Variants in FKRP observed in about 807,000 individuals in gnomAD.
FKRP encodes the protein ribitol 5-phosphate transferase FKRP.
FKRP carries 25 observed loss-of-function variants against 30.6 expected under a neutral mutation model. The ratio of observed to expected loss-of-function variants is 0.82; its 90% CI spans 0.60 to 1.14. FKRP has a LOEUF of 1.14. Ranked by LOEUF, FKRP falls within the 50% of genes most tolerant of loss-of-function variation. The pLI, the probability that FKRP is intolerant of heterozygous loss-of-function variation, is 0.00. For missense variants in FKRP, 771 were observed against 727.8 expected, an observed-to-expected ratio of 1.06 and a Z score of -0.68; for synonymous variants, 358 against 342.5, an observed-to-expected ratio of 1.05 and a Z score of -0.50.
upstream of FKRP, chr19:46,746,043 G>GGCGGGC: frequency 8.6e-7 from 1 of 1,161,902 alleles, no homozygotes; most frequent in Non-Finnish European, 1.1e-6. Context: ...CCCCCCGCCG[G>GGCGGGC]CCGTCCCGGC....
rs769377092 is a variant in FKRP at position 46,755,601 on chromosome 19, G to A, written c.151G>A (p.Val51Ile). 1.9e-5 allele frequency: 30 copies of A among 1,605,738 alleles called. No individual in the cohort carries two copies. Among genetic ancestry groups the A allele is most frequent in the Non-Finnish European group, 2.4e-5 (28 of 1,177,340 alleles). Residue 51 changes from valine to isoleucine, a missense_variant, in exon 4 of 4, where the codon GTC becomes ATC. Val to Ile is a conservative substitution (Grantham distance 29). Transcript: ENST00000318584. ...CTCTGCTGCCGGCCCCCGTGTCACC[G>A]TCCTGGTGCGGGAGTTCGAGGCATT... The part of the protein sequence containing the change: ...RASAAGPRVT[V>I]LVREFEAFDN...
chr19:46,751,700 G>C (rs1229602842), intron 3 of FKRP, among the ~76,000 whole-genome samples: 1 of 152,024 alleles, frequency 6.6e-6, no homozygotes, highest in Non-Finnish European at 1.5e-5. Flanking sequence ...CGAGTAGCTG[G>C]GACTACAGGC....
intron 1 of FKRP, 115 bp downstream of exon 1, chr19:46,746,205 A>T: frequency 6.5e-7 from 1 of 1,537,130 alleles, no homozygotes; most frequent in Non-Finnish European, 8.7e-7. Flanking sequence ...AAGCGCGCCC[A>T]CTCGTGCTGG....
At chr19:46,752,950 G>T (rs1365129129) in intron 3 of FKRP, among the ~76,000 whole-genome samples, 3 of 151,880 alleles carry the variant, frequency 2.0e-5, no homozygotes, top group African/African-American at 7.3e-5. Context: ...GGCAGATCAT[G>T]AGGTCAAGGG....
Position 46,756,253 on chromosome 19 carries a change from T to G in FKRP, c.803T>G (p.Leu268Arg), listed in dbSNP as rs886042921. 2 of 1,475,590 alleles carry G rather than the reference T, an allele frequency of 1.4e-6. No individual in the cohort carries two copies. Among genetic ancestry groups the G allele is most frequent in the Admixed American group, 4.6e-5 (2 of 43,876 alleles). The allele number at this position is 1,475,590 out of a possible 1,614,324, so 91.4% of individuals were successfully genotyped here. A position where few individuals can be genotyped will look rare whatever the true frequency, so the allele number is the denominator to read the frequency against. ...EREGRARRAA[L>R]LRALGIRLVS... ...GAGGGACGCGCTCGGCGGGCGGCGC[T>G]GCTCCGCGCGCTGGGCATCCGCCTA... Residue 268 changes from leucine to arginine, a missense_variant, in exon 4 of 4, where the codon CTG becomes CGG. Physicochemically the swap from Leu to Arg is moderately radical, Grantham distance 102. Coordinates refer to ENST00000318584, the MANE Select transcript of FKRP (RefSeq NM_024301.5). The surrounding 1 kb of genome is among the most constrained non-coding windows in gnomAD (Gnocchi z 6.6).
In FKRP at chr19:46,756,974, T is replaced by A. The variant is rs753476178; in HGVS notation, c.*36T>A. On this transcript the variant is annotated 3_prime_UTR_variant, in exon 4 of 4. Transcript: ENST00000318584. This position sits in a 1 kb window ranked among gnomAD's most constrained non-coding sequence, Gnocchi z 6.6. ...ACCTCGCCTTTGTTTTTCGGGGGTC[T>A]GTCTGGATGTGGAGAAGCTCTGTGT... is the stretch of plus-strand genomic sequence containing the variant. The A allele has an allele frequency of 1.1e-5, 18 of 1,610,058 alleles. No homozygotes were observed. Among genetic ancestry groups the A allele is most frequent in the Non-Finnish European group, 1.5e-5 (18 of 1,178,658 alleles).
chr19:46,757,076 TGA>T lies in FKRP; in HGVS notation c.*143_*144del, dbSNP rs2054944617. On this transcript the variant is annotated 3_prime_UTR_variant, in exon 4 of 4. Transcript: ENST00000318584. ...CAAGAAAGAAATTCTAAGGAGAGCA[TGA>T]GAGAAGGCTGGCATTGGCAGGAGGA... The T allele has an allele frequency of 8.4e-7, 1 of 1,190,286 alleles. No homozygotes were observed. Among genetic ancestry groups the T allele is most frequent in the Non-Finnish European group, 1.2e-6 (1 of 824,602 alleles). 73.7% of individuals were successfully genotyped at this position (1,190,286 alleles called of 1,614,324 possible). A position where few individuals can be genotyped will look rare whatever the true frequency, so the allele number is the denominator to read the frequency against.
rs1415917211 is a variant in FKRP at position 46,748,566 on chromosome 19, A to T, written c.-139A>T. On this transcript the variant is annotated 5_prime_UTR_variant, in exon 3 of 4. It adds an upstream start codon to the 5' untranslated region. Coordinates refer to ENST00000318584, the MANE Select transcript of FKRP (RefSeq NM_024301.5). ...TCGCAACTCAGACCCAGTGAACCCAAGGCCTGAAGAGAATTTGGATTCATT... is the reference window on the plus strand; with the variant it reads ...TCGCAACTCAGACCCAGTGAACCCATGGCCTGAAGAGAATTTGGATTCATT... 6.6e-6 allele frequency: 1 copy of T among 152,200 alleles called. No homozygotes were observed. Among genetic ancestry groups the T allele is most frequent in the Non-Finnish European group, 1.5e-5 (1 of 68,046 alleles). The allele number at this position is 152,200 out of a possible 1,614,324, so 9.4% of individuals were successfully genotyped here. A position where few individuals can be genotyped will look rare whatever the true frequency, so the allele number is the denominator to read the frequency against.
Position 46,757,226 on chromosome 19 carries a change from C to G in FKRP, c.*288C>G, listed in dbSNP as rs1316285596. Reference sequence around the variant, plus strand: ...CAGTCATGGAGGGAGACGGGGATGTCACGCCGTCCCGCAGGGCCCAGCACA... The same window carrying G: ...CAGTCATGGAGGGAGACGGGGATGTGACGCCGTCCCGCAGGGCCCAGCACA... On this transcript the variant is annotated 3_prime_UTR_variant, in exon 4 of 4. Coordinates refer to ENST00000318584, the MANE Select transcript of FKRP (RefSeq NM_024301.5). The G allele has an allele frequency of 7.3e-6, 4 of 549,498 alleles. No individual in the cohort carries two copies. The highest frequency in any genetic ancestry group is 1.0e-5 in the Non-Finnish European group (3 of 294,870). 34.0% of individuals were successfully genotyped at this position (549,498 alleles called of 1,614,324 possible).
intron 1 of FKRP, chr19:46,747,704 AG>A (rs2054686967): frequency 6.6e-6 from 1 of 152,080 alleles, no homozygotes; most frequent in Admixed American, 6.6e-5. Flanking sequence ...ACGCCCGGCC[AG>A]GGGATGTTTT....
Position 46,757,235 on chromosome 19 carries a change from C to T in FKRP, c.*297C>T. The T allele has an allele frequency of 1.9e-6, 1 of 537,570 alleles. No individual in the cohort carries two copies. Among genetic ancestry groups the T allele is most frequent in the South Asian group, 2.0e-5 (1 of 48,962 alleles). 33.3% of individuals were successfully genotyped at this position (537,570 alleles called of 1,614,324 possible). On this transcript the variant is annotated 3_prime_UTR_variant, in exon 4 of 4. Transcript: ENST00000318584. ...AGGGAGACGGGGATGTCACGCCGTCCCGCAGGGCCCAGCACAGCCCCAGAC... is the reference window on the plus strand; with the variant it reads ...AGGGAGACGGGGATGTCACGCCGTCTCGCAGGGCCCAGCACAGCCCCAGAC...
chr19:46,755,387 C>T (rs2054885941), intron 3 of FKRP, 25 bp from the exon 4 acceptor site: 2 of 1,461,030 alleles, frequency 1.4e-6, no homozygotes, highest in South Asian at 1.3e-5. Flanking sequence ...CAGCTGCTGC[C>T]TTCCCTTTCG....
upstream of FKRP, chr19:46,745,842 C>A: frequency 3.6e-6 from 1 of 279,410 alleles, no homozygotes. Flanking sequence ...AGTCCCAGTC[C>A]CAGTCCCACT....
intron 1 of FKRP, chr19:46,746,381 C>CAGG (rs1253625063): frequency 8.9e-7 from 1 of 1,117,666 alleles, no homozygotes; most frequent in Non-Finnish European, 1.1e-6. Context: ...GAGCGGACGG[C>CAGG]AGGAGGAGGC....
At chr19:46,746,865 G>T in intron 1 of FKRP, 1 of 152,456 alleles carries the variant, frequency 6.6e-6, no homozygotes. Flanking sequence ...GGCCAGGTTG[G>T]TTGTCATGGT....
Position 46,755,424 on chromosome 19 carries a change from G to A in FKRP, c.-27G>A. ...CCCCCTCCCCCAGGATGCCCCGGAG[G>A]CCCAGCTAGCCCCAGACTTCGGCCC... is the stretch of plus-strand genomic sequence containing the variant. On this transcript the variant is annotated 5_prime_UTR_variant, in exon 4 of 4. Coordinates refer to ENST00000318584, the MANE Select transcript of FKRP (RefSeq NM_024301.5). The A allele has an allele frequency of 6.3e-7, 1 of 1,592,086 alleles. No individual in the cohort carries two copies. Among genetic ancestry groups the A allele is most frequent in the Non-Finnish European group, 8.5e-7 (1 of 1,175,004 alleles).
At position 46,755,449 on chromosome 19, in the gene FKRP, C is replaced by A. The variant is rs781231882; in HGVS notation, c.-2C>A. On this transcript the variant is annotated 5_prime_UTR_variant, in exon 4 of 4. Coordinates refer to ENST00000318584, the MANE Select transcript of FKRP (RefSeq NM_024301.5). ...GCCCAGCTAGCCCCAGACTTCGGCC[C>A]CATGCGGCTCACCCGCTGCCAGGCT... 1.7e-5 allele frequency: 27 copies of A among 1,604,156 alleles called. No individual in the cohort carries two copies. The highest frequency in any genetic ancestry group is 2.0e-5 in the Non-Finnish European group (24 of 1,178,936).
chr19:46,746,755 G>A (rs1350658292), intron 1 of FKRP: 2 of 152,208 alleles, frequency 1.3e-5, no homozygotes, highest in Admixed American at 6.5e-5. Context: ...CCCAGAGAAA[G>A]AGCCTTACCC....
chr19:46,752,156 G>A (rs1023927615), intron 3 of FKRP, among the ~76,000 whole-genome samples: 2 of 152,182 alleles, frequency 1.3e-5, no homozygotes, highest in Non-Finnish European at 2.9e-5. Context: ...TTCCTGCGAG[G>A]TGCCAGCCAC....
Sources: gnomAD v4.1 joint callset for allele counts (sites outside exome capture counted in the v4.1 genomes callset) on GRCh38, gnomAD v4.1.1 for gene constraint, Gnocchi (gnomAD v3.1) non-coding constraint, MANE v1.5 for transcripts, NCBI Gene and HGNC (gene_info 2026-07-23, HGNC 2026-07-21) for gene names.